The following ZC3H12B variants were observed in gnomAD, a reference collection of about 807,000 sequenced individuals.
ZC3H12B encodes probable ribonuclease ZC3H12B.
Under a neutral mutation model 43.9 loss-of-function variants are expected in ZC3H12B, and 7 were observed. That is an observed-to-expected ratio of 0.16 (90% CI 0.09 to 0.30). The LOEUF (loss-of-function observed/expected upper bound fraction) is 0.30. ZC3H12B is among the 10% of genes least tolerant of loss of function. The probability of loss-of-function intolerance (pLI) is 1.00; values close to 1 mark genes in which losing one functional copy is unlikely to be tolerated. For synonymous variants in ZC3H12B, 222 were observed against 241.7 expected, an observed-to-expected ratio of 0.92 and a Z score of 0.76; for missense variants, 475 against 670.2, an observed-to-expected ratio of 0.71 and a Z score of 3.22.
the ZC3H12B span, among the ~76,000 whole-genome samples, chrX:65,163,509 C>T: frequency 9.0e-6 from 1 of 111,433 alleles, no homozygotes; most frequent in African/African-American, 3.3e-5. Flanking sequence ...TGCCACCTTG[C>T]AGTTTGATCT....
the ZC3H12B span, among the ~76,000 whole-genome samples, chrX:65,040,790 G>A: frequency 9.0e-6 from 1 of 110,946 alleles, no homozygotes; most frequent in Non-Finnish European, 1.9e-5. Flanking sequence ...TTTTGTTTTG[G>A]GAGGGGGGAG....
At chrX:65,348,103 G>A in the ZC3H12B span, among the ~76,000 whole-genome samples, 1 of 110,783 alleles carries the variant, frequency 9.0e-6, no homozygotes, top group African/African-American at 3.3e-5. Flanking sequence ...GGAGTGGGGG[G>A]ATAGCATTAG....
intron 3 of ZC3H12B, among the ~76,000 whole-genome samples, chrX:65,435,638 C>G (rs749510550): frequency 4.3e-5 from 4 of 92,090 alleles, no homozygotes; most frequent in African/African-American, 1.6e-4. Context: ...AGAAACAGAA[C>G]CAATAGGATA....
At chrX:65,215,448 G>T in the ZC3H12B span, among the ~76,000 whole-genome samples, 2 of 110,775 alleles carry the variant, frequency 1.8e-5, no homozygotes, top group Non-Finnish European at 3.8e-5. Context: ...TATGGAGACG[G>T]CTGCTTTACT....
chrX:65,340,424 C>T, the ZC3H12B span, among the ~76,000 whole-genome samples: 2 of 112,063 alleles, frequency 1.8e-5, no homozygotes, highest in Non-Finnish European at 3.8e-5. Context: ...TGCCACTACC[C>T]TATGAAACAC....
the ZC3H12B span, among the ~76,000 whole-genome samples, chrX:65,117,098 T>C: frequency 8.9e-6 from 1 of 112,064 alleles, no homozygotes; most frequent in African/African-American, 3.2e-5. Context: ...CTGGGTCAAA[T>C]GGTATGTCTA....
chrX:65,453,295 A>G (rs2067546064), intron 3 of ZC3H12B, among the ~76,000 whole-genome samples: 1 of 99,926 alleles, frequency 1.0e-5, no homozygotes, highest in South Asian at 4.9e-4. Context: ...ACAGTTGCAC[A>G]CACATGTTTA....
At chrX:65,161,664 G>A in the ZC3H12B span, among the ~76,000 whole-genome samples, 6 of 111,899 alleles carry the variant, frequency 5.4e-5, no homozygotes, top group Admixed American at 4.8e-4. Flanking sequence ...GTCTCTGTAA[G>A]TGAGATGCGT....
intron 3 of ZC3H12B, among the ~76,000 whole-genome samples, chrX:65,450,246 G>T (rs1361021652): frequency 1.0e-5 from 1 of 99,915 alleles, no homozygotes; most frequent in African/African-American, 3.7e-5. Context: ...GGAGGTTGCA[G>T]TGAGCTGAAA....
At chrX:65,151,002 T>G in the ZC3H12B span, among the ~76,000 whole-genome samples, 9 of 112,061 alleles carry the variant, frequency 8.0e-5, no homozygotes, top group Non-Finnish European at 1.7e-4. Flanking sequence ...AAAAATAACA[T>G]GTATAATAAT....
At chrX:65,139,700 G>T in the ZC3H12B span, among the ~76,000 whole-genome samples, 178 of 111,344 alleles carry the variant, frequency 1.6e-3, 1 homozygote, top group African/African-American at 5.7e-3. Flanking sequence ...CAATATTAAT[G>T]ATTTCAATCT....
the ZC3H12B span, among the ~76,000 whole-genome samples, chrX:65,175,787 G>T: frequency 8.9e-6 from 1 of 112,108 alleles, no homozygotes; most frequent in African/African-American, 3.2e-5. Context: ...AGCTCAAGGG[G>T]TTGGGAAACT....
the ZC3H12B span, chrX:65,328,089 G>A: frequency 3.9e-6 from 1 of 256,779 alleles, no homozygotes; most frequent in Non-Finnish European, 7.8e-6. Flanking sequence ...AAATAAGGAA[G>A]ATAATTCAGT....
intron 3 of ZC3H12B, among the ~76,000 whole-genome samples, chrX:65,463,742 A>G (rs1226434245): frequency 9.0e-6 from 1 of 110,764 alleles, no homozygotes; most frequent in African/African-American, 3.3e-5. Flanking sequence ...TCTCCCAGGC[A>G]TTCAAAATAT....
chrX:65,151,974 C>CA, the ZC3H12B span, among the ~76,000 whole-genome samples: 5 of 111,642 alleles, frequency 4.5e-5, no homozygotes, highest in African/African-American at 1.6e-4. Context: ...GAACCAATGA[C>CA]AAAAAACACA....
the ZC3H12B span, among the ~76,000 whole-genome samples, chrX:65,281,760 G>T: frequency 4.5e-5 from 5 of 112,270 alleles, no homozygotes; most frequent in African/African-American, 1.6e-4. Flanking sequence ...ATATTGGTCT[G>T]CGAAAATATT....
intron 3 of ZC3H12B, among the ~76,000 whole-genome samples, chrX:65,456,597 C>A (rs1477521406): frequency 9.4e-6 from 1 of 106,442 alleles, no homozygotes; most frequent in Non-Finnish European, 1.9e-5. Context: ...CGCCGCCACG[C>A]CTGACTGGTT....
At chrX:65,292,594 C>T in the ZC3H12B span, among the ~76,000 whole-genome samples, 2 of 109,212 alleles carry the variant, frequency 1.8e-5, no homozygotes, top group Non-Finnish European at 3.8e-5. Context: ...ATGTAACAAA[C>T]CTGCACATGT....
the ZC3H12B span, among the ~76,000 whole-genome samples, chrX:65,193,027 C>T: frequency 1.8e-5 from 2 of 110,830 alleles, no homozygotes; most frequent in African/African-American, 3.3e-5. Context: ...TCGCCTCAGC[C>T]TCCCAATGTG....
Sources: allele counts gnomAD v4.1 joint callset (sites outside exome capture counted in the v4.1 genomes callset), GRCh38; gene constraint gnomAD v4.1.1; transcripts MANE v1.5; gene names NCBI Gene and HGNC (gene_info 2026-07-23, HGNC 2026-07-21).